The following DYNC1H1 variants were observed in gnomAD, a reference collection of about 807,000 sequenced individuals.
DYNC1H1 encodes dynein cytoplasmic 1 heavy chain 1.
Under a neutral mutation model 527.1 loss-of-function variants are expected in DYNC1H1, and 51 were observed. That is an observed-to-expected ratio of 0.10 (90% confidence interval 0.08 to 0.12). DYNC1H1 has a LOEUF of 0.12. Among genes scored for constraint, DYNC1H1 ranks in the 10% least tolerant of loss-of-function variants. The probability of loss-of-function intolerance (pLI) is 1.00; values close to 1 mark genes in which losing one functional copy is unlikely to be tolerated. For missense variants in DYNC1H1, 2,771 were observed against 5,971.8 expected (o/e 0.46, Z 17.66); for synonymous variants, 2,189 against 2,278.8 (o/e 0.96, Z 1.12).
intron 1 of DYNC1H1, among the ~76,000 whole-genome samples, chr14:101,973,539 G>A (rs998805834): frequency 2.0e-5 from 3 of 152,076 alleles, no homozygotes; most frequent in South Asian, 4.1e-4. Context: ...GGGGTTGGGC[G>A]CAATGACTCA....
At chr14:101,991,695 G>A (rs1190328933) in intron 11 of DYNC1H1, 22 bp downstream of exon 11, 2 of 1,614,010 alleles carry the variant, frequency 1.2e-6, no homozygotes, top group Admixed American at 1.7e-5. Flanking sequence ...GTGACTCGAG[G>A]CACACGCCTC....
Position 102,030,289 on chromosome 14 carries a change from A to G in DYNC1H1, c.9883+7A>G. 3.7e-6 allele frequency: 6 copies of G among 1,614,044 alleles called. No individual in the cohort carries two copies. The highest frequency in any genetic ancestry group is 5.1e-6 in the Non-Finnish European group (6 of 1,179,932). On this transcript the variant is annotated splice_region_variant and intron_variant, in intron 51 of 77. Coordinates refer to ENST00000360184, the MANE Select transcript of DYNC1H1 (RefSeq NM_001376.5). ...GTCATTGAGGCCCAGAATGGTATGT[A>G]AAGACTGTCAGAGCTTTGATGTCTA...
Position 102,033,616 on chromosome 14 carries a change from C to A in DYNC1H1, c.10413+132C>A. The A allele has an allele frequency of 1.7e-6, 2 of 1,203,510 alleles. No individual in the cohort carries two copies. The highest frequency in any genetic ancestry group is 1.3e-5 in the South Asian group (1 of 76,670). The allele number at this position is 1,203,510 out of a possible 1,614,324, so 74.6% of individuals were successfully genotyped here. A position where few individuals can be genotyped will look rare whatever the true frequency, so the allele number is the denominator to read the frequency against. On this transcript the variant is annotated intron_variant, in intron 54 of 77. Coordinates refer to ENST00000360184, the MANE Select transcript of DYNC1H1 (RefSeq NM_001376.5). The surrounding 1 kb of genome is among the most constrained non-coding windows in gnomAD (Gnocchi z 5.6). ...TTAACATCTGTAAGGCCCCGGAGGA[C>A]TTTTTTCCTGGAAAATAATACACAC... is the stretch of plus-strand genomic sequence containing the variant.
At chr14:102,008,854 G>A (rs17541074) in intron 29 of DYNC1H1, among the ~76,000 whole-genome samples, 1,569 of 152,286 alleles carry the variant, frequency 0.01, 23 homozygotes, top group African/African-American at 0.036. Context: ...CAGCAGCATA[G>A]AGGTTTCTAT....
chr14:102,018,372 G>C lies in DYNC1H1; in HGVS notation c.8178-79G>C. The stretch of plus-strand genomic sequence containing the variant: ...CGACCTCCAGACAGGGCCCTGGACA[G>C]GGCGACTCCACTGGCACACTGCCCC... On this transcript the variant is annotated intron_variant, in intron 40 of 77. Transcript: ENST00000360184. The surrounding 1 kb of genome is among the most constrained non-coding windows in gnomAD (Gnocchi z 5.2). 1 of 1,568,538 alleles carries C rather than the reference G, an allele frequency of 6.4e-7. No homozygotes were observed. The highest frequency in any genetic ancestry group is 1.7e-4 in the Middle Eastern group (1 of 5,946).
At chr14:102,045,480 G>A (rs17512919) in intron 72 of DYNC1H1, among the ~76,000 whole-genome samples, 4,520 of 144,808 alleles carry the variant, frequency 0.031, 206 homozygotes, top group East Asian at 0.24. Context: ...GTGTGGTGGT[G>A]GGTGCCTGTA....
intron 12 of DYNC1H1, 93 bp from the exon 13 acceptor site, chr14:101,994,580 T>C (rs1000511794): frequency 4.6e-5 from 70 of 1,522,680 alleles, no homozygotes; most frequent in Admixed American, 1.2e-4. Context: ...GTGAAAGACA[T>C]GAACCTTCTT....
At position 102,040,253 on chromosome 14, in the gene DYNC1H1, C is replaced by G; in HGVS notation, c.11708C>G (p.Ala3903Gly). Residue 3903 changes from alanine (A) to glycine (G), a missense_variant, in exon 63 of 78, where the codon GCA becomes GGA. Transcript: ENST00000360184. ...CTTCGCAGGGAGCCCACCTACGATGCAGAATTCCAGCACTTCTTGAGAGGA... is the reference window on the plus strand; with the variant it reads ...CTTCGCAGGGAGCCCACCTACGATGGAGAATTCCAGCACTTCTTGAGAGGA... ...KGTVGEPTYD[A>G]EFQHFLRGNE... 6.2e-7 allele frequency: 1 copy of G among 1,614,150 alleles called. No homozygotes were observed. Among genetic ancestry groups the G allele is most frequent in the Non-Finnish European group, 8.5e-7 (1 of 1,180,040 alleles).
At chr14:102,019,757 A>G (rs903303638) in intron 41 of DYNC1H1, 136 bp from the exon 42 acceptor site, 12 of 1,137,872 alleles carry the variant, frequency 1.1e-5, no homozygotes, top group Admixed American at 1.9e-5. Context: ...ACCCACCACC[A>G]TGTCCAGCTA....
chr14:101,975,434 C>T (rs530979143), intron 1 of DYNC1H1, among the ~76,000 whole-genome samples: 6 of 152,356 alleles, frequency 3.9e-5, no homozygotes, highest in Admixed American at 3.3e-4. Context: ...CACCGCCAGG[C>T]CCTGTTCCAG....
rs1410308002 is a variant in DYNC1H1 at position 102,050,743 on chromosome 14, G to GGGAAGGCC, written c.*181_*188dup. 5 of 974,768 alleles carry GGGAAGGCC rather than the reference G, an allele frequency of 5.1e-6. No individual in the cohort carries two copies. The highest frequency in any genetic ancestry group is 3.3e-5 in the African/African-American group (2 of 61,512). The allele number at this position is 974,768 out of a possible 1,614,324, so 60.4% of individuals were successfully genotyped here. A position where few individuals can be genotyped will look rare whatever the true frequency, so the allele number is the denominator to read the frequency against. On this transcript the variant is annotated 3_prime_UTR_variant, in exon 78 of 78. Coordinates refer to ENST00000360184, the MANE Select transcript of DYNC1H1 (RefSeq NM_001376.5). The stretch of plus-strand genomic sequence containing the variant: ...ATTGGAAGGATACCAGGAGGTATTT[G>GGGAAGGCC]GGAAGGCCAATGGCGTGGCTCCTTT...
rs544374216 is a variant in DYNC1H1, at chr14:102,033,863, C to T, written c.10414-113C>T. On this transcript the variant is annotated intron_variant, in intron 54 of 77. Transcript: ENST00000360184. The surrounding 1 kb of genome is among the most constrained non-coding windows in gnomAD (Gnocchi z 5.6). ...TCTGGGACTGTGAACAACTTGGGCA[C>T]GTTTCTAACCCACCCAAAACCCTGC... The T allele has an allele frequency of 2.4e-5, 28 of 1,179,664 alleles. No homozygotes were observed. In the East Asian group the frequency reaches 3.5e-4, roughly 15 times the overall value. The allele number at this position is 1,179,664 out of a possible 1,614,324, so 73.1% of individuals were successfully genotyped here.
chr14:102,043,453 G>T, intron 69 of DYNC1H1: 1 of 324,232 alleles, frequency 3.1e-6, no homozygotes, highest in Non-Finnish European at 5.9e-6. Flanking sequence ...TCAGAGTTGT[G>T]TCCCCAGGTG....
chr14:102,032,210 C>T, intron 51 of DYNC1H1, 62 bp from the exon 52 acceptor site: 2 of 1,606,322 alleles, frequency 1.2e-6, no homozygotes, highest in South Asian at 2.2e-5. Context: ...GGTTCATTCT[C>T]ACCATGCTTT....
At chr14:102,008,441 C>T in intron 29 of DYNC1H1, 104 bp downstream of exon 29, 1 of 1,434,600 alleles carries the variant, frequency 7.0e-7, no homozygotes, top group Non-Finnish European at 9.5e-7. Context: ...GAATTTAGCT[C>T]ACAGGAGCTC....
At position 101,985,164 on chromosome 14, in the gene DYNC1H1, G is replaced by A. The variant is rs981542602; in HGVS notation, c.1462-523G>A. Among the ~76,000 whole-genome samples, 3 of 151,882 alleles carry A rather than the reference G, an allele frequency of 2.0e-5. No individual in the cohort carries two copies. The highest frequency in any genetic ancestry group is 2.1e-4 in the South Asian group (1 of 4,814). On this transcript the variant is annotated intron_variant, in intron 7 of 77. Transcript: ENST00000360184. The surrounding 1 kb of genome is among the most constrained non-coding windows in gnomAD (Gnocchi z 5.9). ...CTGGGTTTTAAATCCTAATTCCATC[G>A]TTTACTAGCTCTGTGACTGGAATGC... is the stretch of plus-strand genomic sequence containing the variant.
In DYNC1H1 at chr14:102,001,029, G is replaced by C; in HGVS notation, c.4150G>C (p.Glu1384Gln). ...PARLRQYASY[E>Q]FVQRLLKGYM... is the part of the protein sequence containing the mutation. ...CCGGTTGCGACAGTATGCGTCCTAT[G>C]AGTTTGTTCAGAGGCTTCTGAAAGG... The change falls in exon 19 of 78, where the codon GAG becomes CAG. Residue 1384 changes from glutamate to glutamine, a missense_variant. Coordinates refer to ENST00000360184, the MANE Select transcript of DYNC1H1 (RefSeq NM_001376.5). The surrounding 1 kb of genome is among the most constrained non-coding windows in gnomAD (Gnocchi z 5.0). 2 of 1,614,224 alleles carry C rather than the reference G, an allele frequency of 1.2e-6. No individual in the cohort carries two copies. The highest frequency in any genetic ancestry group is 1.7e-6 in the Non-Finnish European group (2 of 1,180,050).
chr14:102,031,115 G>C (rs976262745), intron 51 of DYNC1H1, among the ~76,000 whole-genome samples: 1 of 152,200 alleles, frequency 6.6e-6, no homozygotes, highest in Non-Finnish European at 1.5e-5. Context: ...TTTTCATTCA[G>C]AGTTGGATTT....
chr14:102,007,833 G>T (rs2048214428), intron 28 of DYNC1H1, among the ~76,000 whole-genome samples: 1 of 152,210 alleles, frequency 6.6e-6, no homozygotes. Context: ...AGTTCTGGAG[G>T]CTGGGGAGTC....
Sources: gnomAD v4.1 joint callset for allele counts (sites outside exome capture counted in the v4.1 genomes callset) on GRCh38, gnomAD v4.1.1 for gene constraint, Gnocchi (gnomAD v3.1) non-coding constraint, MANE v1.5 for transcripts, NCBI Gene and HGNC (gene_info 2026-07-23, HGNC 2026-07-21) for gene names.